The following RBFOX1 variants were observed in gnomAD, a reference collection of about 807,000 sequenced individuals.
RBFOX1 encodes RNA binding protein fox-1 homolog 1.
RBFOX1 carries 8 observed loss-of-function variants against 57.7 expected under a neutral mutation model. That is an observed-to-expected ratio of 0.14 (90% CI 0.08 to 0.25). RBFOX1 has a LOEUF of 0.25. Ranked by LOEUF, RBFOX1 falls within the 10% of genes least tolerant of loss-of-function variation. The pLI, the probability that RBFOX1 is intolerant of heterozygous loss-of-function variation, is 1.00. For missense variants in RBFOX1, 611 were observed against 548.5 expected, an observed-to-expected ratio of 1.11 and a Z score of -1.14; for synonymous variants, 326 against 222.4, an observed-to-expected ratio of 1.47 and a Z score of -4.15.
intron 3 of RBFOX1, among the ~76,000 whole-genome samples, chr16:5,729,670 A>G (rs746101826): frequency 2.0e-4 from 30 of 152,200 alleles, no homozygotes; most frequent in Non-Finnish European, 3.4e-4. Flanking sequence ...ACTGGCCACA[A>G]ACTCCACTCA....
At chr16:6,743,789 A>T (rs2072898198) in intron 3 of RBFOX1, among the ~76,000 whole-genome samples, 1 of 147,864 alleles carries the variant, frequency 6.8e-6, no homozygotes, top group Non-Finnish European at 1.5e-5. Context: ...TAAATAAATA[A>T]ATAAATGTTC....
intron 2 of RBFOX1, among the ~76,000 whole-genome samples, chr16:6,527,839 C>G (rs745728444): frequency 6.6e-6 from 1 of 152,100 alleles, no homozygotes; most frequent in African/African-American, 2.4e-5. Context: ...AGCAGAGGCT[C>G]TCATAAGGAT....
At chr16:6,733,367 A>T (rs753802374) in intron 3 of RBFOX1, among the ~76,000 whole-genome samples, 4 of 152,170 alleles carry the variant, frequency 2.6e-5, no homozygotes, top group Non-Finnish European at 5.9e-5. Context: ...TGCTGAACTG[A>T]TCTGTACACC....
At chr16:5,338,569 C>G (rs138331004) in intron 1 of RBFOX1, among the ~76,000 whole-genome samples, 25 of 152,126 alleles carry the variant, frequency 1.6e-4, no homozygotes, top group African/African-American at 5.6e-4. Context: ...TATGACTGAA[C>G]AATATACATT....
At chr16:6,659,564 C>T (rs1008941571) in intron 3 of RBFOX1, among the ~76,000 whole-genome samples, 9 of 152,114 alleles carry the variant, frequency 5.9e-5, no homozygotes, top group African/African-American at 1.4e-4. Flanking sequence ...AGCTCAGGCA[C>T]ATTTAAGTGA....
chr16:7,225,444 C>A (rs1423458248), intron 4 of RBFOX1, among the ~76,000 whole-genome samples: 5 of 152,084 alleles, frequency 3.3e-5, no homozygotes, highest in Non-Finnish European at 5.9e-5. Context: ...ATCAGATGCA[C>A]CTTTCACCTT....
chr16:5,704,975 G>A (rs2041254), intron 3 of RBFOX1, among the ~76,000 whole-genome samples: 30,888 of 152,092 alleles, frequency 0.2, 4,397 homozygotes, highest in East Asian at 0.63. Flanking sequence ...TCATCTCCAA[G>A]GGCACATGTG....
chr16:5,942,483 ATGT>A (rs2059302665), intron 4 of RBFOX1, among the ~76,000 whole-genome samples: 1 of 152,166 alleles, frequency 6.6e-6, no homozygotes, highest in Non-Finnish European at 1.5e-5. Context: ...TACAATAGTA[ATGT>A]TGTTACAGGT....
chr16:6,349,917 C>T (rs1193003887), intron 2 of RBFOX1, among the ~76,000 whole-genome samples: 1 of 152,084 alleles, frequency 6.6e-6, no homozygotes, highest in African/African-American at 2.4e-5. Context: ...ACAGGGGATG[C>T]CATGGGGGGC....
chr16:5,746,818 A>G (rs1382307207), intron 3 of RBFOX1, among the ~76,000 whole-genome samples: 2 of 152,202 alleles, frequency 1.3e-5, no homozygotes, highest in Non-Finnish European at 2.9e-5. Context: ...GAAGTTACTC[A>G]TCAACTTAAG....
At chr16:6,856,042 G>C (rs1461843475) in intron 3 of RBFOX1, among the ~76,000 whole-genome samples, 1 of 151,814 alleles carries the variant, frequency 6.6e-6, no homozygotes, top group Non-Finnish European at 1.5e-5. Context: ...GGTGCTCATG[G>C]TATATGTCTC....
At chr16:6,502,137 C>T (rs902094824) in intron 2 of RBFOX1, among the ~76,000 whole-genome samples, 2 of 152,020 alleles carry the variant, frequency 1.3e-5, no homozygotes, top group Non-Finnish European at 1.5e-5. Context: ...CTTCAGTGTC[C>T]CTTCAGGCAT....
At chr16:7,184,869 C>G (rs965975252) in intron 4 of RBFOX1, among the ~76,000 whole-genome samples, 4 of 152,130 alleles carry the variant, frequency 2.6e-5, no homozygotes, top group Admixed American at 6.5e-5. Flanking sequence ...GTTACTAACA[C>G]TATTAATAAT....
chr16:6,487,232 T>G (rs988444738), intron 2 of RBFOX1, among the ~76,000 whole-genome samples: 2 of 151,708 alleles, frequency 1.3e-5, no homozygotes, highest in African/African-American at 4.8e-5. Context: ...CGTTTTTGAT[T>G]CAGCAAAACT....
chr16:7,457,307 C>G (rs1035735900), intron 4 of RBFOX1, among the ~76,000 whole-genome samples: 2 of 152,194 alleles, frequency 1.3e-5, no homozygotes, highest in African/African-American at 4.8e-5. Context: ...ATCTTCCGAT[C>G]TGTGTCCTGG....
At chr16:7,402,715 A>G (rs969738940) in intron 4 of RBFOX1, among the ~76,000 whole-genome samples, 3 of 152,154 alleles carry the variant, frequency 2.0e-5, no homozygotes, top group South Asian at 4.1e-4. Flanking sequence ...AATATGGTAA[A>G]TATTTCATAT....
At position 6,558,348 on chromosome 16, in the gene RBFOX1, C is replaced by T. The variant is rs539294693; in HGVS notation, c.-63-96255C>T. 5.3e-5 allele frequency among the ~76,000 whole-genome samples: 8 copies of T among 152,206 alleles called. No individual in the cohort carries two copies. The East Asian group carries it at 1.6e-3, about 29-fold the overall frequency. On this transcript the variant is annotated intron_variant, in intron 2 of 15. Coordinates refer to ENST00000550418, the MANE Select transcript of RBFOX1 (RefSeq NM_018723.4). ...CGCTGCTGCTGCTGCTCCTGGCACCCCTGCTGAGATCAGCTCAGTGCAGTC... is the reference window on the plus strand; with the variant it reads ...CGCTGCTGCTGCTGCTCCTGGCACCTCTGCTGAGATCAGCTCAGTGCAGTC...
At chr16:7,450,165 G>A (rs139262358) in intron 4 of RBFOX1, among the ~76,000 whole-genome samples, 1 of 152,194 alleles carries the variant, frequency 6.6e-6, no homozygotes, top group Non-Finnish European at 1.5e-5. Flanking sequence ...GGAGATGGAG[G>A]TGGGTGGATC....
At chr16:6,886,282 G>C (rs1215467315) in intron 3 of RBFOX1, among the ~76,000 whole-genome samples, 1 of 151,656 alleles carries the variant, frequency 6.6e-6, no homozygotes, top group African/African-American at 2.4e-5. Context: ...GGATAGTCTC[G>C]ATCTCTTGAC....
Sources: gnomAD v4.1 joint callset for allele counts (sites outside exome capture counted in the v4.1 genomes callset) on GRCh38, gnomAD v4.1.1 for gene constraint, MANE v1.5 for transcripts, NCBI Gene and HGNC (gene_info 2026-07-23, HGNC 2026-07-21) for gene names.